NDE1: variants seen among roughly 807,000 people sequenced by gnomAD.
The protein encoded by NDE1 is nudE neurodevelopment protein 1.
In NDE1, 28 loss-of-function variants were observed where a neutral mutation model predicts 43.4. That is an observed-to-expected ratio of 0.65 (90% CI 0.48 to 0.89). NDE1 has a LOEUF of 0.89. Ranked by LOEUF, NDE1 falls within the 40% of genes least tolerant of loss-of-function variation. The pLI is 0.00. For missense variants in NDE1, 441 were observed against 434.1 expected (o/e 1.02, Z -0.14); for synonymous variants, 184 against 172.0 (o/e 1.07, Z -0.55).
At chr16:15,646,140 A>AT (rs2036325360), upstream of NDE1, among the ~76,000 whole-genome samples, 1 of 152,228 alleles carries the variant, frequency 6.6e-6, no homozygotes, top group Non-Finnish European at 1.5e-5. Context: ...AATTTGGGAA[A>AT]TTGAGAACCA....
intron 1 of NDE1, among the ~76,000 whole-genome samples, chr16:15,644,502 G>A (rs771515758): frequency 5.3e-5 from 8 of 152,226 alleles, no homozygotes; most frequent in Non-Finnish European, 1.0e-4. Flanking sequence ...TGTGGGCTGG[G>A]CGCAGTGGCT....
chr16:15,681,191 C>G (rs2038157175), intron 4 of NDE1, among the ~76,000 whole-genome samples: 1 of 103,610 alleles, frequency 9.7e-6, no homozygotes, highest in South Asian at 3.4e-4. Flanking sequence ...GATACAAGTT[C>G]AATTTTATTT....
chr16:15,678,140 G>C (rs2037983161), intron 4 of NDE1, among the ~76,000 whole-genome samples, 191 bp downstream of exon 4: 1 of 152,184 alleles, frequency 6.6e-6, no homozygotes, highest in Non-Finnish European at 1.5e-5. Flanking sequence ...CATTACAGCA[G>C]CAAGGCTGGC....
intron 1 of NDE1, among the ~76,000 whole-genome samples, chr16:15,662,631 C>T (rs2037106217): frequency 6.6e-6 from 1 of 152,114 alleles, no homozygotes; most frequent in South Asian, 2.1e-4. Flanking sequence ...GGCTTTAGTG[C>T]AGTGGCACTA....
At position 15,687,453 on chromosome 16, in the gene NDE1, A is replaced by G; in HGVS notation, c.465A>G (p.Glu155=). The change falls in exon 5 of 9, where the codon GAA becomes GAG. Residue 155 remains glutamate (E), a synonymous_variant. Transcript: ENST00000396354. ...AIERNAFLES[E]LDEKENLLES... is the part of the protein sequence containing the mutation. ...AAAGAAATGCCTTCCTGGAAAGTGA[A>G]CTTGATGAAAAAGAGAATCTCCTGG... is the stretch of plus-strand genomic sequence containing the variant. 1.9e-6 allele frequency: 3 copies of G among 1,614,196 alleles called. No individual in the cohort carries two copies. Among genetic ancestry groups the G allele is most frequent in the Non-Finnish European group, 2.5e-6 (3 of 1,180,038 alleles).
chr16:15,691,167 C>T lies in NDE1; in HGVS notation c.547C>T (p.Gln183Ter). ...AGATTTGCGGCAGGAACTGGCCGTG[C>T]AGCAGAAGCAGGAGAAACCCAGGAC... is the stretch of plus-strand genomic sequence containing the variant. ...ARDLRQELAV[Q>*]QKQEKPRTPM... The change falls in exon 6 of 9, where the codon CAG becomes TAG. Residue 183 changes from glutamine to a stop codon, truncating the protein, a stop_gained. Transcript: ENST00000396354. LOFTEE classifies it high-confidence loss of function. The T allele has an allele frequency of 6.2e-7, 1 of 1,614,070 alleles. No homozygotes were observed. Among genetic ancestry groups the T allele is most frequent in the Non-Finnish European group, 8.5e-7 (1 of 1,180,028 alleles).
chr16:15,693,562 C>G (rs2038857835), intron 6 of NDE1, among the ~76,000 whole-genome samples: 1 of 152,008 alleles, frequency 6.6e-6, no homozygotes, highest in African/African-American at 2.4e-5. Context: ...GCCCTTTGGG[C>G]GGCCAAGGTG....
In NDE1 at chr16:15,725,084, C is replaced by T. The variant is rs2040684532; in HGVS notation, c.*833C>T. 8.1e-6 allele frequency: 8 copies of T among 991,554 alleles called. No homozygotes were observed. The South Asian group carries it at 9.4e-5, about 12-fold the overall frequency. The allele number at this position is 991,554 out of a possible 1,614,324, so 61.4% of individuals were successfully genotyped here. A position where few individuals can be genotyped will look rare whatever the true frequency, so the allele number is the denominator to read the frequency against. The stretch of plus-strand genomic sequence containing the variant: ...TTTACTCAAAACACATGGGCTAGTA[C>T]TTGAGGTGTTCACTGATTGAGAAAA... On this transcript the variant is annotated 3_prime_UTR_variant, in exon 9 of 9. Transcript: ENST00000396354.
chr16:15,658,726 G>T (rs2036893947), intron 1 of NDE1, among the ~76,000 whole-genome samples: 1 of 152,090 alleles, frequency 6.6e-6, no homozygotes, highest in Non-Finnish European at 1.5e-5. Flanking sequence ...GTGTGATCGT[G>T]GTTCACTGCA....
intron 8 of NDE1, chr16:15,715,122 T>A (rs779077968): frequency 4.6e-6 from 7 of 1,522,740 alleles, no homozygotes. Context: ...GGAGGCCGGC[T>A]GGGGGCTGGG....
At chr16:15,719,486 G>T (rs2040350353) in intron 8 of NDE1, 1 of 1,580,088 alleles carries the variant, frequency 6.3e-7, no homozygotes, top group Admixed American at 1.7e-5. Flanking sequence ...GACCCCAGAG[G>T]AGGACGAAAT....
intron 4 of NDE1, among the ~76,000 whole-genome samples, chr16:15,679,055 T>C (rs6498568): frequency 1 from 151,717 of 152,228 alleles, 75,605 homozygotes; most frequent in East Asian, 1. Context: ...CCAGCCTGGG[T>C]GACAGAGCTA....
chr16:15,687,652 C>G, intron 5 of NDE1, 141 bp downstream of exon 5: 3 of 843,010 alleles, frequency 3.6e-6, no homozygotes, highest in South Asian at 1.4e-5. Flanking sequence ...CAGAGGGTGT[C>G]GGACTGCACT....
intron 3 of NDE1, among the ~76,000 whole-genome samples, chr16:15,673,027 C>T (rs1201626161): frequency 1.3e-5 from 2 of 152,190 alleles, no homozygotes; most frequent in Admixed American, 6.5e-5. Flanking sequence ...GCTCTCGCCA[C>T]GCCTCTCTGG....
chr16:15,658,545 G>A (rs1049018269), intron 1 of NDE1, among the ~76,000 whole-genome samples: 1 of 152,152 alleles, frequency 6.6e-6, no homozygotes, highest in African/African-American at 2.4e-5. Flanking sequence ...AAATGAGTAG[G>A]GTATTCTCCC....
intron 4 of NDE1, 134 bp from the exon 5 acceptor site, chr16:15,687,241 T>G: frequency 1.3e-5 from 21 of 1,571,530 alleles, no homozygotes; most frequent in Non-Finnish European, 1.7e-5. Context: ...CTTGGCCCAC[T>G]CTGTGGCATC....
intron 1 of NDE1, among the ~76,000 whole-genome samples, chr16:15,654,892 C>T (rs1211769536): frequency 2.0e-5 from 3 of 151,456 alleles, no homozygotes; most frequent in African/African-American, 7.3e-5. Context: ...AAATGTCTAG[C>T]ACACAGCAAA....
intron 3 of NDE1, among the ~76,000 whole-genome samples, chr16:15,677,214 C>T (rs1268683096): frequency 2.6e-5 from 4 of 151,936 alleles, no homozygotes; most frequent in African/African-American, 7.2e-5. Context: ...GCTTGTCTCC[C>T]GATTGTGGTG....
chr16:15,675,209 C>T (rs2037806037), intron 3 of NDE1, among the ~76,000 whole-genome samples: 1 of 151,742 alleles, frequency 6.6e-6, no homozygotes, highest in Non-Finnish European at 1.5e-5. Context: ...CCCAGTCCCC[C>T]ACCACTGCCA....
Sources: allele counts gnomAD v4.1 joint callset (sites outside exome capture counted in the v4.1 genomes callset), GRCh38; gene constraint gnomAD v4.1.1; transcripts MANE v1.5; gene names NCBI Gene and HGNC (gene_info 2026-07-23, HGNC 2026-07-21).